Variants in GLRA1 observed in about 807,000 individuals in gnomAD.
GLRA1 encodes the protein glycine receptor subunit alpha-1.
A neutral mutation model predicts 48.3 loss-of-function variants in GLRA1; 37 were observed. The ratio of observed to expected loss-of-function variants is 0.77; its 90% CI spans 0.59 to 1.01. GLRA1 has a LOEUF of 1.01. Among genes scored for constraint, GLRA1 ranks in the 50% least tolerant of loss-of-function variants. The pLI, the probability that GLRA1 is intolerant of heterozygous loss-of-function variation, is 0.00. For missense variants in GLRA1, 427 were observed against 571.0 expected, an observed-to-expected ratio of 0.75 and a Z score of 2.57; for synonymous variants, 196 against 210.7, an observed-to-expected ratio of 0.93 and a Z score of 0.60.
intron 8 of GLRA1, among the ~76,000 whole-genome samples, chr5:151,823,979 C>G (rs1009625357): frequency 5.3e-5 from 8 of 151,744 alleles, no homozygotes; most frequent in African/African-American, 1.7e-4. Context: ...GCTGTTGATT[C>G]AATGTTGGCA....
At chr5:151,864,115 C>T (rs573070746) in intron 3 of GLRA1, among the ~76,000 whole-genome samples, 2 of 149,728 alleles carry the variant, frequency 1.3e-5, no homozygotes, top group South Asian at 2.2e-4. Context: ...TCTCCTTCTC[C>T]CTTGGATTTT....
chr5:151,923,497 T>C (rs1404542489), intron 1 of GLRA1, among the ~76,000 whole-genome samples: 1 of 152,208 alleles, frequency 6.6e-6, no homozygotes, highest in Non-Finnish European at 1.5e-5. Flanking sequence ...TCCCTGCATG[T>C]CATGGAAGAA....
chr5:151,908,510 A>C (rs561130497), intron 1 of GLRA1, among the ~76,000 whole-genome samples: 3 of 152,196 alleles, frequency 2.0e-5, no homozygotes, highest in South Asian at 4.1e-4. Flanking sequence ...CAGTGTACTC[A>C]TTCATTTTAC....
At chr5:151,850,482 A>C (rs1025453764) in intron 7 of GLRA1, 60 of 1,029,066 alleles carry the variant, frequency 5.8e-5, no homozygotes, top group Non-Finnish European at 9.1e-5. Flanking sequence ...TCTGAAGTAC[A>C]CTGAGGAGGC....
At chr5:151,892,093 C>T (rs530922168) in intron 2 of GLRA1, among the ~76,000 whole-genome samples, 1 of 152,242 alleles carries the variant, frequency 6.6e-6, no homozygotes, top group South Asian at 2.1e-4. Context: ...CTTTTGGACT[C>T]CTGGAAACCA....
chr5:151,828,322 A>T (rs899003443), intron 8 of GLRA1, among the ~76,000 whole-genome samples: 1 of 152,220 alleles, frequency 6.6e-6, no homozygotes, highest in African/African-American at 2.4e-5. Flanking sequence ...AGCAGGCTGC[A>T]TGCTCCCCAT....
At position 151,892,511 on chromosome 5, in the gene GLRA1, T is replaced by C. The variant is rs1231806381; in HGVS notation, c.57-73A>G. 6.6e-6 allele frequency: 10 copies of C among 1,524,990 alleles called. No individual in the cohort carries two copies. The African/African-American group carries it at 1.1e-4, about 17-fold the overall frequency. The allele number at this position is 1,524,990 out of a possible 1,614,324, so 94.5% of individuals were successfully genotyped here. A position where few individuals can be genotyped will look rare whatever the true frequency, so the allele number is the denominator to read the frequency against. On this transcript the variant is annotated intron_variant, in intron 1 of 8. Transcript: ENST00000274576. ...ATGCTGTGATCAGATCCCAGCCTTG[T>C]CCAACCTCTGTAGAACCACAAGAGT...
intron 7 of GLRA1, among the ~76,000 whole-genome samples, chr5:151,830,911 G>T (rs1000575887): frequency 2.0e-5 from 3 of 152,230 alleles, no homozygotes; most frequent in African/African-American, 7.2e-5. Flanking sequence ...GATCAATGCA[G>T]AAGGCGAGTG....
Position 151,849,133 on chromosome 5 carries a change from TTTCTTTCTTTCTTTC to T in GLRA1, c.912+2242_912+2256del, listed in dbSNP as rs1278085466. The T allele has an allele frequency of 8.8e-4, 186 of 210,500 alleles. 3 individuals carry two copies. Among genetic ancestry groups the T allele is most frequent in the African/African-American group, 3.1e-3 (73 of 23,294 alleles). 13.0% of individuals were successfully genotyped at this position (210,500 alleles called of 1,614,324 possible). A position where few individuals can be genotyped will look rare whatever the true frequency, so the allele number is the denominator to read the frequency against. ...CTTTCTTTCTTTCTTTCTTTCTTTCTTTCTTTCTTTCTTTCTTTCTTTTCTTTTCTTTTCTTTCTT... is the reference window on the plus strand; with the variant it reads ...CTTTCTTTCTTTCTTTCTTTCTTTCTTTTCTTTTCTTTTCTTTTCTTTCTT... On this transcript the variant is annotated intron_variant, in intron 7 of 8. Coordinates refer to ENST00000274576, the MANE Select transcript of GLRA1 (RefSeq NM_000171.4).
intron 1 of GLRA1, among the ~76,000 whole-genome samples, chr5:151,908,544 G>A (rs1011873513): frequency 4.6e-5 from 7 of 152,120 alleles, no homozygotes; most frequent in African/African-American, 1.7e-4. Flanking sequence ...GCATTTCCAA[G>A]ACAGAAAGAG....
Position 151,855,021 on chromosome 5 carries a change from G to A in GLRA1, c.697+19C>T, listed in dbSNP as rs774930624. ...CTGGTTGGGGGGTGGGATCTGAGGA[G>A]GGTGGCCCTTGTACCTACCTGTGTT... On this transcript the variant is annotated intron_variant, in intron 6 of 8. Coordinates refer to ENST00000274576, the MANE Select transcript of GLRA1 (RefSeq NM_000171.4). The A allele has an allele frequency of 3.7e-6, 6 of 1,613,224 alleles. No individual in the cohort carries two copies. The highest frequency in any genetic ancestry group is 4.2e-6 in the Non-Finnish European group (5 of 1,179,380).
intron 7 of GLRA1, among the ~76,000 whole-genome samples, chr5:151,832,313 C>G (rs746196398): frequency 3.9e-5 from 6 of 152,160 alleles, no homozygotes; most frequent in Admixed American, 1.3e-4. Flanking sequence ...GACAAATTGA[C>G]AGAAGTAGGC....
intron 1 of GLRA1, among the ~76,000 whole-genome samples, chr5:151,917,501 G>A (rs1754767300): frequency 6.6e-6 from 1 of 152,170 alleles, no homozygotes; most frequent in Admixed American, 6.5e-5. Flanking sequence ...AGGACTTGAT[G>A]AGTTTAGAGA....
At chr5:151,907,011 A>G (rs1454825776) in intron 1 of GLRA1, among the ~76,000 whole-genome samples, 3 of 152,214 alleles carry the variant, frequency 2.0e-5, no homozygotes, top group Non-Finnish European at 4.4e-5. Context: ...TGTCACTGGA[A>G]GTATTCAAGG....
intron 3 of GLRA1, among the ~76,000 whole-genome samples, chr5:151,884,755 C>G (rs1753853413): frequency 6.6e-6 from 1 of 152,098 alleles, no homozygotes; most frequent in African/African-American, 2.4e-5. Flanking sequence ...CCTTACAGAA[C>G]CAGGTGGTCC....
chr5:151,918,805 A>G (rs917302138), intron 1 of GLRA1, among the ~76,000 whole-genome samples: 1 of 152,122 alleles, frequency 6.6e-6, no homozygotes, highest in Non-Finnish European at 1.5e-5. Flanking sequence ...AGACACCATC[A>G]CTACCACTGA....
chr5:151,842,359 C>T (rs994755124), intron 7 of GLRA1, among the ~76,000 whole-genome samples: 1 of 149,744 alleles, frequency 6.7e-6, no homozygotes, highest in Non-Finnish European at 1.5e-5. Flanking sequence ...AAAAAAAACT[C>T]TCAGGAAAAC....
At chr5:151,850,614 C>G in intron 7 of GLRA1, 1 of 1,480,126 alleles carries the variant, frequency 6.8e-7, no homozygotes, top group South Asian at 1.1e-5. Flanking sequence ...GACTTTTCTG[C>G]TGGTGTAGCC....
chr5:151,856,517 G>GTTTA (rs1753048420), intron 4 of GLRA1, 134 bp from the exon 5 acceptor site: 2 of 648,254 alleles, frequency 3.1e-6, no homozygotes, highest in Non-Finnish European at 5.8e-6. Flanking sequence ...TTGTTTTTTT[G>GTTTA]TTTATTTATT....
Sources: gnomAD v4.1 joint callset for allele counts (sites outside exome capture counted in the v4.1 genomes callset) on GRCh38, gnomAD v4.1.1 for gene constraint, MANE v1.5 for transcripts, NCBI Gene and HGNC (gene_info 2026-07-23, HGNC 2026-07-21) for gene names.